NUMB: variants seen among roughly 807,000 people sequenced by gnomAD.
The protein encoded by NUMB is protein numb homolog.
Under a neutral mutation model 59.7 loss-of-function variants are expected in NUMB, and 29 were observed. The ratio of observed to expected loss-of-function variants is 0.49; its 90% CI spans 0.36 to 0.66. NUMB has a LOEUF of 0.66. NUMB is among the 30% of genes least tolerant of loss of function. The pLI is 0.00. For missense variants in NUMB, 723 were observed against 822.0 expected (o/e 0.88, Z 1.47); for synonymous variants, 288 against 288.2 (o/e 1.00, Z 0.01).
intron 1 of NUMB, among the ~76,000 whole-genome samples, chr14:73,416,628 G>A (rs1186624663): frequency 6.6e-6 from 1 of 152,044 alleles, no homozygotes; most frequent in Non-Finnish European, 1.5e-5. Flanking sequence ...ATCACATGAG[G>A]CCAGGAGTAC....
intron 1 of NUMB, among the ~76,000 whole-genome samples, chr14:73,420,557 C>T (rs746526425): frequency 6.6e-6 from 1 of 152,116 alleles, no homozygotes; most frequent in Non-Finnish European, 1.5e-5. Context: ...CAGTGGCTCA[C>T]ACCTGTAATC....
At position 73,406,162 on chromosome 14, in the gene NUMB, G is replaced by A. The variant is rs547651877; in HGVS notation, c.-101+3775C>T. 2.7e-5 allele frequency among the ~76,000 whole-genome samples: 4 copies of A among 149,404 alleles called. No homozygotes were observed. In the South Asian group the frequency reaches 6.4e-4, roughly 24 times the overall value. On this transcript the variant is annotated intron_variant, in intron 2 of 12. Transcript: ENST00000555238. ...CACAACGTGCAGGTTTGTTACATAT[G>A]TATACATGTGCCACGTTGGTGTGCT...
At chr14:73,302,070 G>A (rs1216641500) in intron 6 of NUMB, among the ~76,000 whole-genome samples, 3 of 151,936 alleles carry the variant, frequency 2.0e-5, no homozygotes, top group Admixed American at 6.6e-5. Flanking sequence ...GTGACACAGC[G>A]AGACTCCATC....
chr14:73,395,409 G>A (rs1324963056), intron 2 of NUMB, among the ~76,000 whole-genome samples: 2 of 151,784 alleles, frequency 1.3e-5, no homozygotes, highest in Non-Finnish European at 2.9e-5. Context: ...GACTGGTTGA[G>A]CCCAGGAGTT....
intron 2 of NUMB, among the ~76,000 whole-genome samples, chr14:73,375,341 C>T (rs1280835931): frequency 6.6e-6 from 1 of 152,130 alleles, no homozygotes; most frequent in East Asian, 1.9e-4. Flanking sequence ...TTACAACAAT[C>T]CCCATTTTAT....
chr14:73,286,604 GTT>G (rs1889022040), intron 9 of NUMB: 1 of 161,594 alleles, frequency 6.2e-6, no homozygotes, highest in East Asian at 1.7e-4. Context: ...GAAAAAAAGA[GTT>G]ATAGGCTTAC....
At chr14:73,346,964 C>A (rs2139992728) in intron 4 of NUMB, among the ~76,000 whole-genome samples, 1 of 152,246 alleles carries the variant, frequency 6.6e-6, no homozygotes, top group African/African-American at 2.4e-5. Context: ...ATCTTAATAA[C>A]AAAACACAAA....
At chr14:73,382,603 C>T (rs963363946) in intron 2 of NUMB, among the ~76,000 whole-genome samples, 3 of 152,092 alleles carry the variant, frequency 2.0e-5, no homozygotes, top group African/African-American at 7.2e-5. Flanking sequence ...TTTAAACCAG[C>T]CCTTGAGAAC....
chr14:73,423,966 CA>C (rs34582645), intron 1 of NUMB, among the ~76,000 whole-genome samples: 23,091 of 74,220 alleles, frequency 0.31, 1,040 homozygotes, highest in African/African-American at 0.39. Flanking sequence ...ACCCTGTCTC[CA>C]AAAAAAAAAA....
At chr14:73,313,962 C>T (rs752615089) in intron 6 of NUMB, among the ~76,000 whole-genome samples, 2 of 151,982 alleles carry the variant, frequency 1.3e-5, no homozygotes, top group African/African-American at 2.4e-5. Context: ...AGGCACATGC[C>T]GAGGCGGGCA....
At chr14:73,421,631 G>A (rs1897349655) in intron 1 of NUMB, among the ~76,000 whole-genome samples, 3 of 152,056 alleles carry the variant, frequency 2.0e-5, no homozygotes, top group Admixed American at 1.3e-4. Context: ...CAAATAAGCT[G>A]AATAGGAAAA....
At chr14:73,294,950 T>TTA (rs1419411157) in intron 7 of NUMB, among the ~76,000 whole-genome samples, 2 of 24,384 alleles carry the variant, frequency 8.2e-5, no homozygotes, top group African/African-American at 4.3e-4. Flanking sequence ...AACCCATCTC[T>TTA]AAAAAAAAAA....
At chr14:73,371,491 CG>C (rs1309451952) in intron 2 of NUMB, among the ~76,000 whole-genome samples, 1 of 151,674 alleles carries the variant, frequency 6.6e-6, no homozygotes, top group African/African-American at 2.4e-5. Flanking sequence ...GCCGAGATTG[CG>C]CCACTGCACT....
chr14:73,352,856 G>A (rs1330587068), intron 4 of NUMB, among the ~76,000 whole-genome samples: 3 of 150,070 alleles, frequency 2.0e-5, no homozygotes, highest in Non-Finnish European at 4.4e-5. Context: ...ATAGTATATT[G>A]TTAATGCAAA....
intron 7 of NUMB, among the ~76,000 whole-genome samples, chr14:73,296,593 T>C (rs1219507998): frequency 6.6e-6 from 1 of 152,186 alleles, no homozygotes; most frequent in African/African-American, 2.4e-5. Flanking sequence ...CGTTAAATAG[T>C]CTCTCAGGAG....
intron 2 of NUMB, among the ~76,000 whole-genome samples, chr14:73,374,134 T>C (rs1179351368): frequency 6.6e-6 from 1 of 152,136 alleles, no homozygotes; most frequent in Non-Finnish European, 1.5e-5. Flanking sequence ...CCTCCCAAAG[T>C]GCTGGGATTA....
At chr14:73,414,677 G>C (rs551792573) in intron 1 of NUMB, among the ~76,000 whole-genome samples, 6 of 151,992 alleles carry the variant, frequency 3.9e-5, no homozygotes, top group Non-Finnish European at 8.8e-5. Flanking sequence ...ATGAACCATC[G>C]TGCCTGGCCC....
chr14:73,298,819 C>G (rs1889938073), intron 6 of NUMB: 1 of 152,132 alleles, frequency 6.6e-6, no homozygotes, highest in African/African-American at 2.4e-5. Flanking sequence ...CCACCACCAC[C>G]ATAAATTTGA....
chr14:73,427,639 C>T (rs976561705), intron 1 of NUMB, among the ~76,000 whole-genome samples: 15 of 152,108 alleles, frequency 9.9e-5, no homozygotes, highest in South Asian at 2.1e-4. Context: ...AAACACAAGA[C>T]GGACAGTGAA....
Sources: allele counts gnomAD v4.1 joint callset (sites outside exome capture counted in the v4.1 genomes callset), GRCh38; gene constraint gnomAD v4.1.1; transcripts MANE v1.5; gene names NCBI Gene and HGNC (gene_info 2026-07-23, HGNC 2026-07-21).